The following PRKCG variants were observed in gnomAD, a reference collection of about 807,000 sequenced individuals.
PRKCG encodes the protein protein kinase C gamma, also known as protein kinase C gamma type.
Under a neutral mutation model 82.0 loss-of-function variants are expected in PRKCG, and 28 were observed. That is an observed-to-expected ratio of 0.34 (90% CI 0.25 to 0.47). PRKCG has a LOEUF of 0.47. Ranked by LOEUF, PRKCG falls within the 20% of genes least tolerant of loss-of-function variation. The pLI is 1.00. For synonymous variants in PRKCG, 383 were observed against 376.6 expected, an observed-to-expected ratio of 1.02 and a Z score of -0.20; for missense variants, 640 against 952.7, an observed-to-expected ratio of 0.67 and a Z score of 4.32.
intron 3 of PRKCG, among the ~76,000 whole-genome samples, chr19:53,888,687 A>C (rs1307329911): frequency 6.6e-6 from 1 of 152,142 alleles, no homozygotes; most frequent in Non-Finnish European, 1.5e-5. Context: ...TATTTTATTT[A>C]GGCCTCCTGG....
chr19:53,900,351 C>G lies in PRKCG; in HGVS notation c.1373+27C>G, dbSNP rs764247528. 1 of 1,613,714 alleles carries G rather than the reference C, an allele frequency of 6.2e-7. No homozygotes were observed. Among genetic ancestry groups the G allele is most frequent in the African/African-American group, 1.3e-5 (1 of 74,874 alleles). ...TGAGTCTCGGCCAACAGAGAATGGT[C>G]GGGGTGGTGGAAGGGGGCAGGATCC... On this transcript the variant is annotated intron_variant, in intron 12 of 17. Transcript: ENST00000263431. This position sits in a 1 kb window ranked among gnomAD's most constrained non-coding sequence, Gnocchi z 4.2.
chr19:53,890,085 C>A, intron 5 of PRKCG, 68 bp downstream of exon 5: 1 of 1,496,902 alleles, frequency 6.7e-7, no homozygotes. Flanking sequence ...ACCCAAGGCA[C>A]TTGTGCTGGC....
At chr19:53,902,997 C>A in intron 14 of PRKCG, 76 bp from the exon 15 acceptor site, 1 of 1,073,222 alleles carries the variant, frequency 9.3e-7, no homozygotes, top group South Asian at 1.2e-5. Context: ...GGGTAGCGCT[C>A]CCAGGGGGTG....
At position 53,893,053 on chromosome 19, in the gene PRKCG, G is replaced by A. The variant is rs369758267; in HGVS notation, c.887G>A (p.Cys296Tyr). The A allele has an allele frequency of 5.6e-6, 9 of 1,613,820 alleles. No individual in the cohort carries two copies. The highest frequency in any genetic ancestry group is 7.6e-6 in the Non-Finnish European group (9 of 1,179,964). Residue 296 changes from cysteine (C) to tyrosine (Y), a missense_variant, in exon 8 of 18, where the codon TGC (cysteine) becomes TAC (tyrosine). By Grantham distance (194) the Cys-to-Tyr change is radical. Around this residue, in one of 7 missense-constraint regions of PRKCG, gnomAD observed 261 missense variants for 312.1 expected, o/e 0.84. Coordinates refer to ENST00000263431, the MANE Select transcript of PRKCG (RefSeq NM_002739.5). ...GTGCCGGTGGCCGATGCTGACAACT[G>A]CAGCCTCCTCCAGAAGTTTGAGGTA... ...YNVPVADADN[C>Y]SLLQKFEACN...
chr19:53,898,511 C>T lies in PRKCG; in HGVS notation c.1164C>T (p.Val388=), dbSNP rs772452109. 1.2e-5 allele frequency: 20 copies of T among 1,613,902 alleles called. No individual in the cohort carries two copies. Among genetic ancestry groups the T allele is most frequent in the Middle Eastern group, 1.7e-4 (1 of 6,058 alleles). ...AGATCTTGAAAAAGGACGTGATCGT[C>T]CAGGACGACGATGTGGACTGCACGC... ...AIKILKKDVI[V]QDDDVDCTLV... The change falls in exon 11 of 18, where the codon GTC becomes GTT. Residue 388 remains valine (V), a synonymous_variant. Coordinates refer to ENST00000263431, the MANE Select transcript of PRKCG (RefSeq NM_002739.5).
At chr19:53,906,568 C>A in intron 17 of PRKCG, 111 bp downstream of exon 17, 1 of 1,566,854 alleles carries the variant, frequency 6.4e-7, no homozygotes, top group East Asian at 2.3e-5. Flanking sequence ...GCCCCCCGCC[C>A]CCAACAAAAG....
intron 3 of PRKCG, among the ~76,000 whole-genome samples, chr19:53,885,003 C>T (rs1205345204): frequency 6.6e-6 from 1 of 152,190 alleles, no homozygotes; most frequent in Non-Finnish European, 1.5e-5. Context: ...ATTCCCGTTC[C>T]CTTTTCTGCT....
At chr19:53,891,625 C>T (rs1480068706) in intron 5 of PRKCG, 49 bp from the exon 6 acceptor site, 3 of 1,606,056 alleles carry the variant, frequency 1.9e-6, no homozygotes, top group East Asian at 2.2e-5. Context: ...GGCTGGGAGC[C>T]CCTTCCTGGA....
intron 17 of PRKCG, 26 bp from the exon 18 acceptor site, chr19:53,906,681 C>T (rs2068814471): frequency 1.9e-6 from 3 of 1,611,364 alleles, no homozygotes; most frequent in Non-Finnish European, 2.5e-6. Context: ...AGCTGCTTAA[C>T]TTTCCCTCCC....
At chr19:53,890,674 G>A (rs900454838) in intron 5 of PRKCG, among the ~76,000 whole-genome samples, 3 of 143,958 alleles carry the variant, frequency 2.1e-5, no homozygotes, top group South Asian at 2.2e-4. Flanking sequence ...CTCTGCCTCC[G>A]GGGTTCAAGG....
At position 53,900,834 on chromosome 19, in the gene PRKCG, C is replaced by A; in HGVS notation, c.1575+85C>A. On this transcript the variant is annotated intron_variant, in intron 14 of 17. Transcript: ENST00000263431. This position sits in a 1 kb window ranked among gnomAD's most constrained non-coding sequence, Gnocchi z 4.2. ...GGTCCAGTATTCACCACGGGTGAGG[C>A]CTGACCCTCAGACCTTGTCATGAGT... 1 of 1,594,664 alleles carries A rather than the reference C, an allele frequency of 6.3e-7. No individual in the cohort carries two copies. Among genetic ancestry groups the A allele is most frequent in the Non-Finnish European group, 8.6e-7 (1 of 1,167,542 alleles).
rs145459863 is a variant in PRKCG, at chr19:53,906,124, T to TC, written c.1765-193_1765-192insC. Among the ~76,000 whole-genome samples the TC allele has an allele frequency of 2.1e-4, 15 of 70,692 alleles. No individual in the cohort carries two copies. In the South Asian group the frequency reaches 4.0e-3, roughly 19 times the overall value. 46.4% of individuals were successfully genotyped at this position (70,692 alleles called of 152,430 possible). On this transcript the variant is annotated intron_variant, in intron 16 of 17. Coordinates refer to ENST00000263431, the MANE Select transcript of PRKCG (RefSeq NM_002739.5). ...TCTTCTTCTTCTTCTTCTTCTTTTC[T>TC]TCTCTCTCTCTCTCCTTTCTTTTCC... is the stretch of plus-strand genomic sequence containing the variant.
intron 16 of PRKCG, 117 bp from the exon 17 acceptor site, chr19:53,906,200 T>C: frequency 7.4e-7 from 1 of 1,359,238 alleles, no homozygotes. Flanking sequence ...TCTCTCCGGA[T>C]CTCATGCCTG....
intron 9 of PRKCG, among the ~76,000 whole-genome samples, chr19:53,897,289 G>T (rs531849263): frequency 6.6e-6 from 1 of 152,152 alleles, no homozygotes; most frequent in Non-Finnish European, 1.5e-5. Flanking sequence ...AAGGGCAGCC[G>T]TCCATGTAGA....
intron 9 of PRKCG, among the ~76,000 whole-genome samples, chr19:53,897,077 G>A (rs1042322844): frequency 3.3e-5 from 5 of 152,154 alleles, no homozygotes; most frequent in Middle Eastern, 3.2e-3. Context: ...ATGAGTGTCA[G>A]GCCAGGGTGG....
Position 53,898,036 on chromosome 19 carries a change from C to T in PRKCG, c.1017C>T (p.Phe339=). 2 of 1,614,120 alleles carry T rather than the reference C, an allele frequency of 1.2e-6. No individual in the cohort carries two copies. Among genetic ancestry groups the T allele is most frequent in the African/African-American group, 1.3e-5 (1 of 75,036 alleles). ...PSPTDPKRCF[F]GASPGRLHIS... ...CCACCGACCCCAAGCGCTGCTTCTT[C>T]GGGGCGAGTCCAGGACGCCTGCACA... The change falls in exon 10 of 18, where the codon TTC becomes TTT. Residue 339 remains phenylalanine (F), a synonymous_variant. Transcript: ENST00000263431.
In PRKCG at chr19:53,889,224, G is replaced by A. The variant is rs1216745352; in HGVS notation, c.286-414G>A. The stretch of plus-strand genomic sequence containing the variant: ...CCACCTCGGCCTCCCAAAGTGCTGG[G>A]ATTACAGGCATGAGCCACCGCACCC... On this transcript the variant is annotated intron_variant, in intron 3 of 17. Transcript: ENST00000263431. This position sits in a 1 kb window ranked among gnomAD's most constrained non-coding sequence, Gnocchi z 4.4. 6.6e-6 allele frequency among the ~76,000 whole-genome samples: 1 copy of A among 152,048 alleles called. No individual in the cohort carries two copies. The highest frequency in any genetic ancestry group is 2.4e-5 in the African/African-American group (1 of 41,378).
rs2068821150 is a variant in PRKCG, at chr19:53,907,243, A to C, written c.*348A>C. 8.2e-6 allele frequency: 3 copies of C among 368,082 alleles called. No homozygotes were observed. The highest frequency in any genetic ancestry group is 2.8e-5 in the South Asian group (1 of 35,142). The allele number at this position is 368,082 out of a possible 1,614,324, so 22.8% of individuals were successfully genotyped here. A position where few individuals can be genotyped will look rare whatever the true frequency, so the allele number is the denominator to read the frequency against. On this transcript the variant is annotated 3_prime_UTR_variant, in exon 18 of 18. Coordinates refer to ENST00000263431, the MANE Select transcript of PRKCG (RefSeq NM_002739.5). ...TTGGTAGTTCTGTGCCTCCCCCCAG[A>C]CCCCGCCCCTGGGGAAATAGCCTCA... is the stretch of plus-strand genomic sequence containing the variant.
Position 53,889,840 on chromosome 19 carries a change from G to C in PRKCG, c.398-46G>C, listed in dbSNP as rs747824598. ...GGATGGGGTGGGGGGTGGAGTCTTG[G>C]CTTGGGGGCGGGGCCTGAGGTGCTA... On this transcript the variant is annotated intron_variant, in intron 4 of 17. Coordinates refer to ENST00000263431, the MANE Select transcript of PRKCG (RefSeq NM_002739.5). The surrounding 1 kb of genome is among the most constrained non-coding windows in gnomAD (Gnocchi z 4.4). The C allele has an allele frequency of 3.2e-6, 5 of 1,568,790 alleles. No homozygotes were observed. Among genetic ancestry groups the C allele is most frequent in the Non-Finnish European group, 3.5e-6 (4 of 1,157,644 alleles).
Sources: allele counts gnomAD v4.1 joint callset (sites outside exome capture counted in the v4.1 genomes callset), GRCh38; gene constraint gnomAD v4.1.1; regional missense constraint gnomAD v4.1.1; non-coding constraint Gnocchi (gnomAD v3.1); transcripts MANE v1.5; gene names NCBI Gene and HGNC (gene_info 2026-07-23, HGNC 2026-07-21).